Variants in NFE2L3 observed in about 807,000 individuals in gnomAD.
The protein encoded by NFE2L3 is nuclear factor erythroid 2-related factor 3.
In NFE2L3, 18 loss-of-function variants were observed where a neutral mutation model predicts 23.5. That is an observed-to-expected ratio of 0.77 (90% CI 0.53 to 1.13). The LOEUF (loss-of-function observed/expected upper bound fraction) is 1.13, where lower values mean the gene tolerates loss of function less well. NFE2L3 is among the 50% of genes most tolerant of loss of function. The probability of loss-of-function intolerance (pLI) is 0.00; values close to 1 mark genes in which losing one functional copy is unlikely to be tolerated. For synonymous variants in NFE2L3, 424 were observed against 354.5 expected (o/e 1.20, Z -2.20); for missense variants, 1,152 against 877.2 (o/e 1.31, Z -3.96).
chr7:26,171,897 G>C (rs559786251), intron 1 of NFE2L3, among the ~76,000 whole-genome samples: 1 of 152,304 alleles, frequency 6.6e-6, no homozygotes, highest in African/African-American at 2.4e-5. Flanking sequence ...GGCAGGGTCT[G>C]ATTGTATTTT....
intron 2 of NFE2L3, among the ~76,000 whole-genome samples, chr7:26,183,276 AGTGGCTCAC>A (rs1467373685): frequency 1.3e-5 from 2 of 151,566 alleles, no homozygotes; most frequent in Non-Finnish European, 2.9e-5. Context: ...GGTCAGCTGC[AGTGGCTCAC>A]GTCTGTAATC....
rs1257958903 is a variant in NFE2L3 at position 26,186,569 on chromosome 7, CAG to C, written c.*790_*791del. 3 of 152,150 alleles carry C rather than the reference CAG, an allele frequency of 2.0e-5. No individual in the cohort carries two copies. The highest frequency in any genetic ancestry group is 7.2e-5 in the African/African-American group (3 of 41,436). The allele number at this position is 152,150 out of a possible 1,614,324, so 9.4% of individuals were successfully genotyped here. A position where few individuals can be genotyped will look rare whatever the true frequency, so the allele number is the denominator to read the frequency against. ...GAGCCACAGGCCTTCCTCATGTAAC[CAG>C]AGACAGAATGGGCTACTTGCAAAAA... On this transcript the variant is annotated 3_prime_UTR_variant, in exon 4 of 4. Transcript: ENST00000056233.
chr7:26,163,454 C>T (rs1341882305), intron 1 of NFE2L3, among the ~76,000 whole-genome samples: 1 of 152,166 alleles, frequency 6.6e-6, no homozygotes, highest in Non-Finnish European at 1.5e-5. Flanking sequence ...TCAAGCAATT[C>T]TCCTGCCTCA....
chr7:26,153,038 G>A lies in NFE2L3; in HGVS notation c.540G>A (p.Gln180=), dbSNP rs1226128635. 3.3e-6 allele frequency: 5 copies of A among 1,527,274 alleles called. No homozygotes were observed. The highest frequency in any genetic ancestry group is 4.4e-6 in the Non-Finnish European group (5 of 1,140,964). The allele number at this position is 1,527,274 out of a possible 1,614,324, so 94.6% of individuals were successfully genotyped here. A position where few individuals can be genotyped will look rare whatever the true frequency, so the allele number is the denominator to read the frequency against. ...AGGCACCCGCGGAACCGACGGCTCA[G>A]GTGCCGGACGCTGGCGGATGTGCGA... ...EEKAPAEPTA[Q]VPDAGGCASE... The change falls in exon 1 of 4, where the codon CAG becomes CAA. Residue 180 remains glutamine (Q), a synonymous_variant. Transcript: ENST00000056233.
chr7:26,184,800 G>C lies in NFE2L3; in HGVS notation c.1102G>C (p.Val368Leu). The part of the protein sequence containing the change: ...GTNLTGFLSP[V>L]DNHMRNLTSQ... ...TAATTTGACAGGATTTCTTTCACCG[G>C]TTGACAATCATATGAGGAATCTAAC... Residue 368 changes from valine (V) to leucine (L), a missense_variant, in exon 4 of 4, where the codon GTT (valine) becomes CTT (leucine). Val to Leu is a conservative substitution (Grantham distance 32). Transcript: ENST00000056233. 2 of 1,613,898 alleles carry C rather than the reference G, an allele frequency of 1.2e-6. No homozygotes were observed. Among genetic ancestry groups the C allele is most frequent in the African/African-American group, 2.7e-5 (2 of 75,034 alleles).
intron 1 of NFE2L3, among the ~76,000 whole-genome samples, chr7:26,163,326 C>T (rs759879403): frequency 6.6e-6 from 1 of 152,134 alleles, no homozygotes; most frequent in Non-Finnish European, 1.5e-5. Flanking sequence ...CGTTAGCACA[C>T]CTAAAAGAAA....
At position 26,186,982 on chromosome 7, in the gene NFE2L3, CCA is replaced by C. The variant is rs1782502972; in HGVS notation, c.*1200_*1201del. 1.3e-5 allele frequency: 2 copies of C among 152,104 alleles called. No homozygotes were observed. The highest frequency in any genetic ancestry group is 1.3e-4 in the Admixed American group (2 of 15,268). The allele number at this position is 152,104 out of a possible 1,614,324, so 9.4% of individuals were successfully genotyped here. ...ACGGGTACTATAATGCTTAATATGT[CCA>C]AATTTTCAAAATGAAGTTTCTCAGA... On this transcript the variant is annotated 3_prime_UTR_variant, in exon 4 of 4. Transcript: ENST00000056233.
chr7:26,160,819 C>T (rs573747183), intron 1 of NFE2L3, among the ~76,000 whole-genome samples: 2 of 152,346 alleles, frequency 1.3e-5, no homozygotes, highest in South Asian at 2.1e-4. Flanking sequence ...AGCCTAGCTC[C>T]TTGACATTTA....
chr7:26,185,263 A>C lies in NFE2L3; in HGVS notation c.1565A>C (p.Lys522Thr). The stretch of plus-strand genomic sequence containing the variant: ...TTTCCGTGGCCTGGGAAGTCACAGA[A>C]GATAAGGAGTAGATACCTTGAAGAC... ...EPFPWPGKSQKIRSRYLEDTD... is the reference protein window; with the variant it reads ...EPFPWPGKSQTIRSRYLEDTD... The change falls in exon 4 of 4, where the codon AAG becomes ACG. Residue 522 changes from lysine to threonine, a missense_variant. Transcript: ENST00000056233. 6.2e-7 allele frequency: 1 copy of C among 1,614,110 alleles called. No individual in the cohort carries two copies. The highest frequency in any genetic ancestry group is 8.5e-7 in the Non-Finnish European group (1 of 1,179,992).
chr7:26,185,365 G>A lies in NFE2L3; in HGVS notation c.1667G>A (p.Gly556Asp). 2 of 1,614,064 alleles carry A rather than the reference G, an allele frequency of 1.2e-6. No individual in the cohort carries two copies. The highest frequency in any genetic ancestry group is 1.1e-5 in the South Asian group (1 of 91,060). Residue 556 changes from glycine (G) to aspartate (D), a missense_variant, in exon 4 of 4, where the codon GGC becomes GAC. Coordinates refer to ENST00000056233, the MANE Select transcript of NFE2L3 (RefSeq NM_004289.7). ...CCTTTTTCTGTAGATGAAATTGTCG[G>A]CATGCCTGTTGATTCTTTCAATAGC... Reference protein sequence around the residue: ...HIPFSVDEIVGMPVDSFNSML... With the variant: ...HIPFSVDEIVDMPVDSFNSML...
At chr7:26,158,889 A>G (rs920646532) in intron 1 of NFE2L3, among the ~76,000 whole-genome samples, 1 of 152,202 alleles carries the variant, frequency 6.6e-6, no homozygotes, top group Middle Eastern at 3.2e-3. Context: ...CCTTATCCGT[A>G]AAATGGAATA....
chr7:26,152,916 G>C lies in NFE2L3; in HGVS notation c.418G>C (p.Gly140Arg). ...AAAASSTGGAGASVDGGSQAV... is the reference protein window; with the variant it reads ...AAAASSTGGARASVDGGSQAV... ...CGCCGCCTCGTCCACCGGAGGAGCC[G>C]GCGCCAGCGTGGACGGCGGCAGCCA... Residue 140 changes from glycine to arginine, a missense_variant, in exon 1 of 4, where the codon GGC (glycine) becomes CGC (arginine). By Grantham distance (125) the Gly-to-Arg change is moderately radical. Transcript: ENST00000056233. This position sits in a 1 kb window ranked among gnomAD's most constrained non-coding sequence, Gnocchi z 4.4. 1 of 1,441,000 alleles carries C rather than the reference G, an allele frequency of 6.9e-7. No homozygotes were observed. Among genetic ancestry groups the C allele is most frequent in the Non-Finnish European group, 9.0e-7 (1 of 1,108,880 alleles). 89.3% of individuals were successfully genotyped at this position (1,441,000 alleles called of 1,614,324 possible).
intron 2 of NFE2L3, among the ~76,000 whole-genome samples, chr7:26,180,650 T>C (rs564969177): frequency 1.3e-5 from 2 of 152,330 alleles, no homozygotes; most frequent in Admixed American, 1.3e-4. Flanking sequence ...TTCTCCCAGG[T>C]ATGTCTTCGT....
chr7:26,176,027 C>A (rs1468839883), intron 1 of NFE2L3, among the ~76,000 whole-genome samples: 2 of 151,672 alleles, frequency 1.3e-5, no homozygotes, highest in East Asian at 1.9e-4. Flanking sequence ...GTGTTTGTGT[C>A]CCTGGGTACT....
At chr7:26,156,167 A>G (rs1645660184) in intron 1 of NFE2L3, among the ~76,000 whole-genome samples, 1 of 152,228 alleles carries the variant, frequency 6.6e-6, no homozygotes, top group Non-Finnish European at 1.5e-5. Flanking sequence ...ATTCCCATGC[A>G]CAATGGGAAT....
At position 26,184,748 on chromosome 7, in the gene NFE2L3, C is replaced by G. The variant is rs747494075; in HGVS notation, c.1050C>G (p.Thr350=). Residue 350 remains threonine (T), a synonymous_variant, in exon 4 of 4, where the codon ACC becomes ACG. Transcript: ENST00000056233. ...EPFLQLNSHT[T]NPEQTLPGTN... ...TTCTGCAGTTAAATTCTCATACCAC[C>G]AATCCTGAGCAAACCCTTCCTGGAA... The G allele has an allele frequency of 5.0e-6, 8 of 1,613,894 alleles. No homozygotes were observed. The East Asian group carries it at 1.8e-4, about 36-fold the overall frequency.
At position 26,177,942 on chromosome 7, in the gene NFE2L3, G is replaced by C; in HGVS notation, c.571-1G>C. On this transcript the variant is annotated splice_acceptor_variant, in intron 1 of 3. Coordinates refer to ENST00000056233, the MANE Select transcript of NFE2L3 (RefSeq NM_004289.7). LOFTEE classifies it high-confidence loss of function. ...TTTGATGAAATTTCGTACTTTTATAGGAGAATGGGGTACTAAGAGAAAAGC... is the reference window on the plus strand; with the variant it reads ...TTTGATGAAATTTCGTACTTTTATACGAGAATGGGGTACTAAGAGAAAAGC... The C allele has an allele frequency of 6.2e-7, 1 of 1,609,760 alleles. No homozygotes were observed. Among genetic ancestry groups the C allele is most frequent in the Non-Finnish European group, 8.5e-7 (1 of 1,178,710 alleles).
At chr7:26,184,214 C>A (rs1173764290) in intron 3 of NFE2L3, 1 of 345,616 alleles carries the variant, frequency 2.9e-6, no homozygotes, top group East Asian at 6.2e-5. Context: ...AATGTGATTA[C>A]CAACCGCTAG....
chr7:26,162,163 ATTCT>A lies in NFE2L3; in HGVS notation c.570+9097_570+9100del, dbSNP rs1159250483. On this transcript the variant is annotated intron_variant, in intron 1 of 3. Transcript: ENST00000056233. The stretch of plus-strand genomic sequence containing the variant: ...ATCTCAAAAAAAAAAAAAAAAATTC[ATTCT>A]TCAGTTCTAGAACAGGCAAAGCTGA... 7.5e-4 allele frequency among the ~76,000 whole-genome samples: 114 copies of A among 151,326 alleles called. 1 individual carries two copies. The highest frequency in any genetic ancestry group is 1.1e-3 in the Non-Finnish European group (78 of 67,866).
Sources: allele counts gnomAD v4.1 joint callset (sites outside exome capture counted in the v4.1 genomes callset), GRCh38; gene constraint gnomAD v4.1.1; non-coding constraint Gnocchi (gnomAD v3.1); transcripts MANE v1.5; gene names NCBI Gene and HGNC (gene_info 2026-07-23, HGNC 2026-07-21).